Variants in EGFR observed in about 807,000 individuals in gnomAD.
EGFR encodes the protein epidermal growth factor receptor.
EGFR carries 58 observed loss-of-function variants against 143.0 expected under a neutral mutation model. That is an observed-to-expected ratio of 0.41 (90% CI 0.33 to 0.50). The LOEUF is 0.50. Among genes scored for constraint, EGFR ranks in the 20% least tolerant of loss-of-function variants. EGFR has a pLI of 0.39. For synonymous variants in EGFR, 613 were observed against 594.4 expected (o/e 1.03, Z -0.45); for missense variants, 1,307 against 1,579.0 (o/e 0.83, Z 2.92).
At chr7:55,116,113 G>A (rs1792825949) in intron 1 of EGFR, among the ~76,000 whole-genome samples, 1 of 152,162 alleles carries the variant, frequency 6.6e-6, no homozygotes, top group South Asian at 2.1e-4. Context: ...CCCATGCTGG[G>A]AATCGAAAGA....
At chr7:55,115,670 T>A (rs1792795536) in intron 1 of EGFR, among the ~76,000 whole-genome samples, 1 of 152,182 alleles carries the variant, frequency 6.6e-6, no homozygotes, top group South Asian at 2.1e-4. Flanking sequence ...TATCCCGGTC[T>A]GCTCTCAGGA....
intron 19 of EGFR, among the ~76,000 whole-genome samples, chr7:55,176,789 ATAGT>A (rs1329068534): frequency 6.8e-6 from 1 of 148,058 alleles, no homozygotes; most frequent in Non-Finnish European, 1.5e-5. Flanking sequence ...TACTCTGTAT[ATAGT>A]TATTTAGATA....
intron 1 of EGFR, among the ~76,000 whole-genome samples, chr7:55,097,767 G>T (rs61710730): frequency 0.015 from 2,264 of 152,052 alleles, 54 homozygotes; most frequent in African/African-American, 0.052. Context: ...TAGGGACAGC[G>T]CAGATAGATT....
chr7:55,062,666 C>T (rs961581391), intron 1 of EGFR, among the ~76,000 whole-genome samples: 32 of 152,268 alleles, frequency 2.1e-4, no homozygotes, highest in African/African-American at 7.2e-4. Context: ...ACGTTCCCAT[C>T]GCTATTTTAT....
At chr7:55,067,071 G>T (rs1453246105) in intron 1 of EGFR, among the ~76,000 whole-genome samples, 1 of 152,190 alleles carries the variant, frequency 6.6e-6, no homozygotes. Flanking sequence ...CCTGCCTGGT[G>T]GGACAGTGAC....
At position 55,198,810 on chromosome 7, in the gene EGFR, G is replaced by A. The variant is rs1787728432; in HGVS notation, c.2795G>A (p.Arg932His). The A allele has an allele frequency of 1.9e-6, 3 of 1,614,156 alleles. No individual in the cohort carries two copies. The highest frequency in any genetic ancestry group is 2.5e-6 in the Non-Finnish European group (3 of 1,180,022). ...TCCTCCATCCTGGAGAAAGGAGAAC[G>A]CCTCCCTCAGCCACCCATATGTACC... ...EISSILEKGE[R>H]LPQPPICTID... Residue 932 changes from arginine to histidine, a missense_variant, in exon 23 of 28, where the codon CGC (arginine) becomes CAC (histidine). Arg to His is a conservative substitution (Grantham distance 29). Coordinates refer to ENST00000275493, the MANE Select transcript of EGFR (RefSeq NM_005228.5).
At chr7:55,112,269 T>C (rs1406176860) in intron 1 of EGFR, among the ~76,000 whole-genome samples, 1 of 152,222 alleles carries the variant, frequency 6.6e-6, no homozygotes, top group African/African-American at 2.4e-5. Context: ...ATGAGTGCTG[T>C]GGCTCAGGGT....
At chr7:55,188,672 C>G (rs1787252195) in intron 20 of EGFR, among the ~76,000 whole-genome samples, 1 of 152,192 alleles carries the variant, frequency 6.6e-6, no homozygotes, top group African/African-American at 2.4e-5. Context: ...TGGGAGCTCA[C>G]AGGCCGTATC....
At chr7:55,198,590 C>T in intron 22 of EGFR, 127 bp from the exon 23 acceptor site, 1 of 1,458,378 alleles carries the variant, frequency 6.9e-7, no homozygotes, top group South Asian at 1.2e-5. Context: ...AAGCAAATTG[C>T]CCAAGACTAC....
At chr7:55,021,339 T>A (rs1422269000) in intron 1 of EGFR, among the ~76,000 whole-genome samples, 1 of 152,240 alleles carries the variant, frequency 6.6e-6, no homozygotes, top group Admixed American at 6.5e-5. Context: ...GAGACTCTTC[T>A]CTTTATTTTA....
intron 15 of EGFR, among the ~76,000 whole-genome samples, chr7:55,168,300 A>G (rs1786170094): frequency 6.6e-6 from 1 of 152,220 alleles, no homozygotes; most frequent in Admixed American, 6.5e-5. Flanking sequence ...ATAGATGTGC[A>G]TCAGTATCTC....
At chr7:55,161,695 A>G in intron 13 of EGFR, 64 bp downstream of exon 13, 1 of 1,612,024 alleles carries the variant, frequency 6.2e-7, no homozygotes, top group Non-Finnish European at 8.5e-7. Flanking sequence ...TTGTTGTTAT[A>G]GCTTTACAGG....
At chr7:55,121,679 A>G (rs1793217057) in intron 1 of EGFR, among the ~76,000 whole-genome samples, 1 of 152,226 alleles carries the variant, frequency 6.6e-6, no homozygotes, top group South Asian at 2.1e-4. Context: ...CTATCACATA[A>G]TGGTGACTTT....
chr7:55,205,391 C>T lies in EGFR; in HGVS notation c.3407C>T (p.Pro1136Leu), dbSNP rs1445729019. The change falls in exon 28 of 28, where the codon CCC (proline) becomes CTC (leucine). Residue 1136 changes from proline to leucine, a missense_variant. Transcript: ENST00000275493. The part of the protein sequence containing the change: ...QDPHSTAVGN[P>L]EYLNTVQPTC... Reference sequence around the variant, plus strand: ...CCCCACAGCACTGCAGTGGGCAACCCCGAGTATCTCAACACTGTCCAGCCC... The same window carrying T: ...CCCCACAGCACTGCAGTGGGCAACCTCGAGTATCTCAACACTGTCCAGCCC... The T allele has an allele frequency of 6.2e-7, 1 of 1,614,134 alleles. No individual in the cohort carries two copies. The highest frequency in any genetic ancestry group is 8.5e-7 in the Non-Finnish European group (1 of 1,180,020).
chr7:55,029,491 A>G (rs1787130211), intron 1 of EGFR, among the ~76,000 whole-genome samples: 1 of 152,068 alleles, frequency 6.6e-6, no homozygotes. Flanking sequence ...TAGCCTTCAC[A>G]GAGAAAGAAA....
intron 1 of EGFR, among the ~76,000 whole-genome samples, chr7:55,107,315 G>A (rs1285343306): frequency 1.3e-5 from 2 of 152,100 alleles, no homozygotes; most frequent in South Asian, 2.1e-4. Context: ...ACGATCACTC[G>A]AAGAATATTG....
At chr7:55,175,645 G>A (rs778982935) in intron 19 of EGFR, among the ~76,000 whole-genome samples, 29 of 152,164 alleles carry the variant, frequency 1.9e-4, no homozygotes, top group Admixed American at 3.9e-4. Flanking sequence ...AAGCAGAATC[G>A]AGGAAAAGGA....
intron 22 of EGFR, among the ~76,000 whole-genome samples, chr7:55,197,169 T>C (rs13230678): frequency 0.03 from 4,577 of 152,334 alleles, 87 homozygotes; most frequent in Middle Eastern, 0.092. Context: ...TTTGTTTGTG[T>C]CATCTCTGAT....
chr7:55,129,086 T>C (rs1358371918), intron 1 of EGFR, among the ~76,000 whole-genome samples: 7 of 152,246 alleles, frequency 4.6e-5, no homozygotes, highest in Admixed American at 2.0e-4. Flanking sequence ...TCAGATGACA[T>C]GTTATCTCTT....
Sources: gnomAD v4.1 joint callset for allele counts (sites outside exome capture counted in the v4.1 genomes callset) on GRCh38, gnomAD v4.1.1 for gene constraint, MANE v1.5 for transcripts, NCBI Gene and HGNC (gene_info 2026-07-23, HGNC 2026-07-21) for gene names.